The following HEPHL1 variants were observed in gnomAD, a reference collection of about 807,000 sequenced individuals.
HEPHL1 encodes ferroxidase HEPHL1.
HEPHL1 carries 123 observed loss-of-function variants against 122.0 expected under a neutral mutation model. The observed-to-expected ratio is 1.01, with a 90% CI of 0.87 to 1.17. The LOEUF (loss-of-function observed/expected upper bound fraction) is 1.17, where lower values mean the gene tolerates loss of function less well. Ranked by LOEUF, HEPHL1 falls within the 50% of genes most tolerant of loss-of-function variation. The pLI is 0.00. For synonymous variants in HEPHL1, 527 were observed against 508.9 expected, an observed-to-expected ratio of 1.04 and a Z score of -0.48; for missense variants, 1,452 against 1,430.5, an observed-to-expected ratio of 1.01 and a Z score of -0.24.
intron 9 of HEPHL1, among the ~76,000 whole-genome samples, chr11:94,075,914 C>T (rs922694831): frequency 5.3e-5 from 8 of 152,078 alleles, no homozygotes; most frequent in Non-Finnish European, 7.4e-5. Flanking sequence ...CAAGTCCCAA[C>T]TTAGAGATTT....
intron 9 of HEPHL1, among the ~76,000 whole-genome samples, chr11:94,077,829 T>G (rs954958479): frequency 3.9e-5 from 6 of 152,216 alleles, no homozygotes; most frequent in Non-Finnish European, 7.3e-5. Flanking sequence ...GTCTTTGGCT[T>G]TGGGCCTCTG....
chr11:94,032,490 G>A (rs1427324662), intron 1 of HEPHL1, among the ~76,000 whole-genome samples: 2 of 152,166 alleles, frequency 1.3e-5, no homozygotes, highest in Non-Finnish European at 1.5e-5. Flanking sequence ...TTGCTATGCT[G>A]TAAGCTTCAG....
intron 13 of HEPHL1, 69 bp downstream of exon 13, chr11:94,093,709 T>C (rs539625551): frequency 2.0e-6 from 3 of 1,498,096 alleles, no homozygotes; most frequent in East Asian, 2.3e-5. Flanking sequence ...TCATGTGTTC[T>C]GTTACACTTG....
At chr11:94,083,183 A>G (rs1262086344) in intron 10 of HEPHL1, among the ~76,000 whole-genome samples, 1 of 152,238 alleles carries the variant, frequency 6.6e-6, no homozygotes, top group Non-Finnish European at 1.5e-5. Flanking sequence ...CAATAACATT[A>G]AGTCTGAAAA....
chr11:94,109,699 C>A (rs554480135), intron 17 of HEPHL1, among the ~76,000 whole-genome samples: 37 of 152,116 alleles, frequency 2.4e-4, no homozygotes, highest in Non-Finnish European at 4.0e-4. Flanking sequence ...CTTACTTGGT[C>A]ATGATGTATT....
intron 1 of HEPHL1, among the ~76,000 whole-genome samples, chr11:94,032,303 G>A (rs1799229869): frequency 6.6e-6 from 1 of 152,108 alleles, no homozygotes; most frequent in African/African-American, 2.4e-5. Flanking sequence ...CGAGGCCAAG[G>A]CCTGCTTCAT....
At position 94,098,108 on chromosome 11, in the gene HEPHL1, C is replaced by T. The variant is rs906830083; in HGVS notation, c.2435-3087C>T. On this transcript the variant is annotated intron_variant, in intron 13 of 19. Transcript: ENST00000315765. Reference sequence around the variant, plus strand: ...ATTAGTTGATGCAGTTTCTTCCTAGCATCGATGATCTTTACAATTTGGCAT... The same window carrying T: ...ATTAGTTGATGCAGTTTCTTCCTAGTATCGATGATCTTTACAATTTGGCAT... Among the ~76,000 whole-genome samples the T allele has an allele frequency of 2.2e-4, 34 of 152,308 alleles. 2 individuals carry two copies. Among genetic ancestry groups the T allele is most frequent in the African/African-American group, 7.9e-4 (33 of 41,580 alleles).
rs779255939 is a variant in HEPHL1, at chr11:94,063,581, C to T, written c.489C>T (p.Thr163=). The change falls in exon 3 of 20, where the codon ACC becomes ACT. Residue 163 remains threonine (T), a synonymous_variant. Transcript: ENST00000315765. ...TGGTTCCTCCTGGGAAAAACTACAC[C>T]TACGTCTGGCCGGTGAGAGAAGAAT... ...DDMVPPGKNY[T]YVWPVREEYA... The T allele has an allele frequency of 3.1e-6, 5 of 1,613,674 alleles. No homozygotes were observed. The East Asian group carries it at 6.7e-5, about 22-fold the overall frequency.
At chr11:94,054,740 G>C (rs1473375054) in intron 2 of HEPHL1, among the ~76,000 whole-genome samples, 1 of 152,162 alleles carries the variant, frequency 6.6e-6, no homozygotes, top group Non-Finnish European at 1.5e-5. Context: ...GCAGTACCTA[G>C]GCTGGAGCTA....
intron 17 of HEPHL1, among the ~76,000 whole-genome samples, chr11:94,109,651 G>T (rs10437575): frequency 0.73 from 111,616 of 152,114 alleles, 41,354 homozygotes; most frequent in African/African-American, 0.84. Flanking sequence ...TTTATTGATT[G>T]TGGAGTTTTT....
At chr11:94,074,040 C>G (rs1009879876) in intron 8 of HEPHL1, among the ~76,000 whole-genome samples, 1 of 152,114 alleles carries the variant, frequency 6.6e-6, no homozygotes, top group Non-Finnish European at 1.5e-5. Context: ...TGATACTGCT[C>G]TTGGGAAACT....
chr11:94,039,578 C>T (rs1161905019), intron 1 of HEPHL1, among the ~76,000 whole-genome samples: 24 of 151,574 alleles, frequency 1.6e-4, no homozygotes, highest in African/African-American at 3.9e-4. Flanking sequence ...CACTCAAAGC[C>T]GCTCAACTAC....
intron 1 of HEPHL1, among the ~76,000 whole-genome samples, chr11:94,025,650 C>G (rs1225809022): frequency 6.6e-6 from 1 of 152,062 alleles, no homozygotes; most frequent in Non-Finnish European, 1.5e-5. Context: ...TGCATCAGCC[C>G]AGTGTATGGC....
In HEPHL1 at chr11:94,070,461, T is replaced by C. The variant is rs748406855; in HGVS notation, c.1151T>C (p.Ile384Thr). 1.2e-6 allele frequency: 2 copies of C among 1,609,880 alleles called. No individual in the cohort carries two copies. The highest frequency in any genetic ancestry group is 1.7e-5 in the Admixed American group (1 of 59,436). Reference protein sequence around the residue: ...KMKGQQRRYFIAAEKILWDYA... With the variant: ...KMKGQQRRYFTAAEKILWDYA... ...AAGGGTCAACAGAGGCGCTACTTTA[T>C]AGCAGCTGAAAAAATTCTTTGGGAT... The change falls in exon 6 of 20, where the codon ATA (isoleucine) becomes ACA (threonine). Residue 384 changes from isoleucine to threonine, a missense_variant. By Grantham distance (89) the Ile-to-Thr change is moderately conservative (BLOSUM62 -1). Coordinates refer to ENST00000315765, the MANE Select transcript of HEPHL1 (RefSeq NM_001098672.2).
chr11:94,104,775 C>T (rs1946396027), intron 16 of HEPHL1, 25 bp downstream of exon 16: 5 of 1,536,796 alleles, frequency 3.3e-6, no homozygotes, highest in Middle Eastern at 3.6e-4. Flanking sequence ...TAAAAAGAAG[C>T]CTATGTTGAG....
chr11:94,109,700 A>G (rs1237023823), intron 17 of HEPHL1, among the ~76,000 whole-genome samples: 1 of 152,152 alleles, frequency 6.6e-6, no homozygotes, highest in African/African-American at 2.4e-5. Flanking sequence ...TTACTTGGTC[A>G]TGATGTATTA....
Position 94,104,533 on chromosome 11 carries a change from G to C in HEPHL1, c.2688G>C (p.Thr896=). 1 of 1,607,428 alleles carries C rather than the reference G, an allele frequency of 6.2e-7. No individual in the cohort carries two copies. ...YYSTVNFVKD[T]YSGLMGPLIT... is the part of the protein sequence containing the mutation. ...CAGTTTATTTTTTCTTCCAGGATAC[G>C]TATAGTGGTTTGATGGGTCCTCTGA... Residue 896 remains threonine (T), a synonymous_variant, in exon 16 of 20, where the codon ACG becomes ACC. Transcript: ENST00000315765.
chr11:94,088,959 G>C lies in HEPHL1; in HGVS notation c.2285G>C (p.Arg762Thr). 6.2e-7 allele frequency: 1 copy of C among 1,613,996 alleles called. No homozygotes were observed. The highest frequency in any genetic ancestry group is 8.5e-7 in the Non-Finnish European group (1 of 1,179,874). ...TTCGAAAAGCAGCACGTGGACGCAA[G>C]AGGGGAAAGGTACCACAGGCGCCGC... ...WEFEKQHVDARGERHGDIFMN... is the reference protein window; with the variant it reads ...WEFEKQHVDATGERHGDIFMN... Residue 762 changes from arginine to threonine, a missense_variant, in exon 12 of 20, where the codon AGA becomes ACA. By Grantham distance (71) the Arg-to-Thr change is moderately conservative (BLOSUM62 -1). Transcript: ENST00000315765.
chr11:94,090,056 T>A (rs1279688105), intron 12 of HEPHL1, among the ~76,000 whole-genome samples: 2 of 152,166 alleles, frequency 1.3e-5, no homozygotes, highest in East Asian at 1.9e-4. Flanking sequence ...GGCCTTTGTT[T>A]TGAGGGGCTG....
Sources: gnomAD v4.1 joint callset for allele counts (sites outside exome capture counted in the v4.1 genomes callset) on GRCh38, gnomAD v4.1.1 for gene constraint, MANE v1.5 for transcripts, NCBI Gene and HGNC (gene_info 2026-07-23, HGNC 2026-07-21) for gene names.